The following ENOX1 variants were observed in gnomAD, a reference collection of about 807,000 sequenced individuals.
The protein encoded by ENOX1 is ecto-NOX disulfide-thiol exchanger 1.
Under a neutral mutation model 82.5 loss-of-function variants are expected in ENOX1, and 42 were observed. The ratio of observed to expected loss-of-function variants is 0.51; its 90% CI spans 0.40 to 0.66. The LOEUF (loss-of-function observed/expected upper bound fraction) is 0.66, where lower values mean the gene tolerates loss of function less well. ENOX1 is among the 30% of genes least tolerant of loss of function. The probability of loss-of-function intolerance (pLI) is 0.00; values close to 1 mark genes in which losing one functional copy is unlikely to be tolerated. For missense variants in ENOX1, 608 were observed against 811.6 expected (o/e 0.75, Z 3.05); for synonymous variants, 271 against 282.2 (o/e 0.96, Z 0.40).
chr13:43,728,848 C>T (rs563185727), intron 1 of ENOX1, among the ~76,000 whole-genome samples: 42 of 152,182 alleles, frequency 2.8e-4, no homozygotes, highest in Middle Eastern at 6.8e-3. Context: ...TTCAACCATG[C>T]GTATTTGTGA....
chr13:43,371,070 T>C (rs143757522), intron 5 of ENOX1, among the ~76,000 whole-genome samples: 1 of 152,284 alleles, frequency 6.6e-6, no homozygotes, highest in East Asian at 1.9e-4. Context: ...CCCTATCTCA[T>C]TAGCCGATGA....
chr13:43,411,238 A>G (rs923171956), intron 5 of ENOX1, among the ~76,000 whole-genome samples: 4 of 152,188 alleles, frequency 2.6e-5, no homozygotes, highest in African/African-American at 4.8e-5. Context: ...AAAGACACTT[A>G]TATACATATA....
At position 43,537,264 on chromosome 13, in the gene ENOX1, A is replaced by T. The variant is rs544577034; in HGVS notation, c.-218-53112T>A. On this transcript the variant is annotated intron_variant, in intron 2 of 16. Coordinates refer to ENST00000690772, the MANE Select transcript of ENOX1 (RefSeq NM_001347969.2). ...TAGATATGGGGCTCTGTCACCATGG[A>T]CGGGTTATCAGTTGAAGTCACAACT... is the stretch of plus-strand genomic sequence containing the variant. 5.3e-5 allele frequency among the ~76,000 whole-genome samples: 8 copies of T among 152,274 alleles called. No homozygotes were observed. In the East Asian group the frequency reaches 1.5e-3, roughly 29 times the overall value.
chr13:43,261,907 T>G (rs1380691819), intron 14 of ENOX1, among the ~76,000 whole-genome samples: 2 of 149,362 alleles, frequency 1.3e-5, no homozygotes, highest in Non-Finnish European at 3.0e-5. Context: ...AGTTAGTGGG[T>G]GCAGCGCACC....
At chr13:43,377,581 G>A (rs1347519357) in intron 5 of ENOX1, among the ~76,000 whole-genome samples, 1 of 152,004 alleles carries the variant, frequency 6.6e-6, no homozygotes, top group Non-Finnish European at 1.5e-5. Context: ...CTAGCCTTTG[G>A]GACTCCAGAT....
intron 5 of ENOX1, among the ~76,000 whole-genome samples, chr13:43,386,718 C>T (rs909646348): frequency 1.1e-4 from 17 of 152,110 alleles, no homozygotes; most frequent in African/African-American, 3.9e-4. Flanking sequence ...ATATGATTGT[C>T]TTGGGGATTC....
At chr13:43,288,531 T>C (rs979043001) in intron 12 of ENOX1, among the ~76,000 whole-genome samples, 2 of 152,202 alleles carry the variant, frequency 1.3e-5, no homozygotes, top group Non-Finnish European at 2.9e-5. Flanking sequence ...TGACTACTTG[T>C]ACATGAGAGT....
At chr13:43,497,968 A>T (rs2076850184) in intron 2 of ENOX1, among the ~76,000 whole-genome samples, 2 of 151,494 alleles carry the variant, frequency 1.3e-5, no homozygotes, top group South Asian at 2.1e-4. Context: ...TTTATCTTAT[A>T]AAAAAAACTT....
intron 9 of ENOX1, among the ~76,000 whole-genome samples, chr13:43,338,711 A>C (rs1304051241): frequency 1.0e-5 from 1 of 98,336 alleles, no homozygotes; most frequent in African/African-American, 4.0e-5. Flanking sequence ...TTTGAGATGG[A>C]GTCTCGCTCT....
At chr13:43,406,407 C>T (rs774901028) in intron 5 of ENOX1, among the ~76,000 whole-genome samples, 1 of 151,674 alleles carries the variant, frequency 6.6e-6, no homozygotes, top group East Asian at 1.9e-4. Flanking sequence ...TAGACCCTTA[C>T]AAGTGTGAAG....
chr13:43,616,296 G>A (rs940472169), intron 2 of ENOX1, among the ~76,000 whole-genome samples: 2 of 139,520 alleles, frequency 1.4e-5, no homozygotes, highest in Non-Finnish European at 3.1e-5. Flanking sequence ...TCTAACTCCT[G>A]GGTTCAAGCA....
At chr13:43,482,642 C>A (rs1253234082) in intron 3 of ENOX1, among the ~76,000 whole-genome samples, 3 of 101,642 alleles carry the variant, frequency 3.0e-5, no homozygotes, top group Non-Finnish European at 4.1e-5. Flanking sequence ...TGTGTTTTAA[C>A]CACAATAAAT....
At chr13:43,348,812 A>G (rs532880690) in intron 8 of ENOX1, among the ~76,000 whole-genome samples, 4 of 152,264 alleles carry the variant, frequency 2.6e-5, no homozygotes, top group African/African-American at 9.6e-5. Context: ...TGGAAATGCC[A>G]AAGAAAAGCC....
At chr13:43,230,145 AG>A (rs2042213247) in intron 15 of ENOX1, among the ~76,000 whole-genome samples, 1 of 152,220 alleles carries the variant, frequency 6.6e-6, no homozygotes, top group African/African-American at 2.4e-5. Context: ...TCAATAAGAA[AG>A]TGTGGCATCA....
At chr13:43,555,316 T>C (rs2079386977) in intron 2 of ENOX1, among the ~76,000 whole-genome samples, 1 of 152,214 alleles carries the variant, frequency 6.6e-6, no homozygotes, top group African/African-American at 2.4e-5. Context: ...ACCCTTGCTT[T>C]TTTGCCTTGT....
chr13:43,445,122 T>TG (rs1206093287), intron 3 of ENOX1, among the ~76,000 whole-genome samples: 9 of 128,518 alleles, frequency 7.0e-5, no homozygotes, highest in Non-Finnish European at 1.2e-4. Flanking sequence ...TCCTTCTTTC[T>TG]GGGTTTTTTT....
intron 2 of ENOX1, among the ~76,000 whole-genome samples, chr13:43,493,016 T>A (rs1458706372): frequency 6.6e-6 from 1 of 152,196 alleles, no homozygotes; most frequent in African/African-American, 2.4e-5. Flanking sequence ...GCCTCCAGAC[T>A]GTCTTTGGAT....
chr13:43,593,454 C>A (rs1189867723), intron 2 of ENOX1, among the ~76,000 whole-genome samples: 1 of 145,148 alleles, frequency 6.9e-6, no homozygotes, highest in African/African-American at 2.6e-5. Context: ...GTTATTCTGT[C>A]TGCAGCGAAA....
At chr13:43,648,778 A>G (rs1271752154) in intron 2 of ENOX1, among the ~76,000 whole-genome samples, 2 of 152,222 alleles carry the variant, frequency 1.3e-5, no homozygotes, top group African/African-American at 2.4e-5. Context: ...TGAACAGTGT[A>G]AAGGCAGCAT....
Sources: allele counts gnomAD v4.1 joint callset (sites outside exome capture counted in the v4.1 genomes callset), GRCh38; gene constraint gnomAD v4.1.1; transcripts MANE v1.5; gene names NCBI Gene and HGNC (gene_info 2026-07-23, HGNC 2026-07-21).